Variants in NELL1 observed in about 807,000 individuals in gnomAD.
The protein encoded by NELL1 is neural EGFL like 1.
Under a neutral mutation model 107.4 loss-of-function variants are expected in NELL1, and 76 were observed. The ratio of observed to expected loss-of-function variants is 0.71; its 90% CI spans 0.59 to 0.86. NELL1 has a LOEUF of 0.86. Among genes scored for constraint, NELL1 ranks in the 40% least tolerant of loss-of-function variants. The pLI, the probability that NELL1 is intolerant of heterozygous loss-of-function variation, is 0.00. For missense variants in NELL1, 1,024 were observed against 1,005.5 expected (o/e 1.02, Z -0.25); for synonymous variants, 353 against 341.2 (o/e 1.03, Z -0.38).
chr11:21,135,777 T>A (rs1218050048), intron 13 of NELL1, among the ~76,000 whole-genome samples: 1 of 152,174 alleles, frequency 6.6e-6, no homozygotes, highest in Non-Finnish European at 1.5e-5. Context: ...TATTAGATCA[T>A]TTTTCTCTCT....
At chr11:21,016,616 C>T (rs986367587) in intron 12 of NELL1, among the ~76,000 whole-genome samples, 4 of 152,100 alleles carry the variant, frequency 2.6e-5, no homozygotes, top group African/African-American at 7.2e-5. Context: ...TAGTCTCCCA[C>T]TCTGCACCCA....
intron 15 of NELL1, among the ~76,000 whole-genome samples, chr11:21,417,386 GT>G (rs1250702281): frequency 2.0e-5 from 3 of 150,946 alleles, no homozygotes; most frequent in African/African-American, 7.3e-5. Context: ...ATTCAAAGTT[GT>G]TTATATTTTT....
chr11:21,280,411 A>G (rs1252417886), intron 14 of NELL1, among the ~76,000 whole-genome samples: 1 of 152,178 alleles, frequency 6.6e-6, no homozygotes, highest in Non-Finnish European at 1.5e-5. Context: ...ACTTCATACC[A>G]CTGAAAGAGG....
chr11:21,006,638 T>C (rs1468785146), intron 12 of NELL1, among the ~76,000 whole-genome samples: 1 of 152,086 alleles, frequency 6.6e-6, no homozygotes, highest in East Asian at 1.9e-4. Flanking sequence ...CCTTGGCGCT[T>C]ATAAGTTTCA....
rs1840248 is a variant in NELL1, at chr11:21,249,407, A to T, written c.1549+19953A>T. On this transcript the variant is annotated intron_variant, in intron 14 of 19. Transcript: ENST00000357134. ...TCTTGAAAGAAGGTTTTTTTTTCTT[A>T]TTCACTAAAACAGTTACTTATTTTT... 5.1e-3 allele frequency among the ~76,000 whole-genome samples: 772 copies of T among 151,950 alleles called. 9 individuals are homozygous for T. Among genetic ancestry groups the T allele is most frequent in the African/African-American group, 0.018 (735 of 41,440 alleles).
At chr11:21,478,127 C>T (rs1453992499) in intron 15 of NELL1, among the ~76,000 whole-genome samples, 1 of 152,062 alleles carries the variant, frequency 6.6e-6, no homozygotes, top group Non-Finnish European at 1.5e-5. Flanking sequence ...AAAGCAAGCA[C>T]TTTCTTCACA....
intron 12 of NELL1, among the ~76,000 whole-genome samples, chr11:21,105,774 TC>T (rs1854940167): frequency 8.9e-6 from 1 of 112,968 alleles, no homozygotes; most frequent in Admixed American, 8.6e-5. Context: ...TCATTACCTC[TC>T]CCCTCCCCTC....
chr11:20,993,798 T>C (rs1181843646), intron 12 of NELL1, among the ~76,000 whole-genome samples: 1 of 151,874 alleles, frequency 6.6e-6, no homozygotes, highest in African/African-American at 2.4e-5. Flanking sequence ...TCAATTTTTT[T>C]CCCCAATATT....
In NELL1 at chr11:20,964,160, G is replaced by T. The variant is rs1041159864; in HGVS notation, c.1300+3600G>T. Among the ~76,000 whole-genome samples the T allele has an allele frequency of 1.3e-5, 2 of 152,050 alleles. 1 individual carries two copies. The highest frequency in any genetic ancestry group is 4.1e-4 in the South Asian group (2 of 4,826). Reference sequence around the variant, plus strand: ...ATTTTAATGTTTTAGGAATCTTGTCGGCTGAGGCTTTTTCCTTTTTTAATG... The same window carrying T: ...ATTTTAATGTTTTAGGAATCTTGTCTGCTGAGGCTTTTTCCTTTTTTAATG... On this transcript the variant is annotated intron_variant, in intron 12 of 19. Transcript: ENST00000357134.
intron 14 of NELL1, among the ~76,000 whole-genome samples, chr11:21,256,094 C>T (rs1858761431): frequency 6.6e-6 from 1 of 151,888 alleles, no homozygotes; most frequent in Non-Finnish European, 1.5e-5. Context: ...TCTTTCTTAC[C>T]TTCATTGCCT....
At chr11:21,135,358 G>A in intron 13 of NELL1, among the ~76,000 whole-genome samples, 1 of 152,206 alleles carries the variant, frequency 6.6e-6, no homozygotes, top group East Asian at 1.9e-4. Context: ...AAGAACTCAG[G>A]CAGAGAAGTG....
At chr11:21,475,500 C>A (rs547270941) in intron 15 of NELL1, among the ~76,000 whole-genome samples, 2 of 152,258 alleles carry the variant, frequency 1.3e-5, no homozygotes, top group African/African-American at 4.8e-5. Flanking sequence ...TCTGGCCAAT[C>A]CCCTATGAGT....
At position 21,159,898 on chromosome 11, in the gene NELL1, C is replaced by T. The variant is rs77848516; in HGVS notation, c.1426+46184C>T. On this transcript the variant is annotated intron_variant, in intron 13 of 19. Transcript: ENST00000357134. ...TGTTCAGTTTTAGGATTCAGACCTT[C>T]TTCATCTGTTCTATTTAGCTGTGAC... 7.9e-5 allele frequency among the ~76,000 whole-genome samples: 12 copies of T among 152,330 alleles called. No homozygotes were observed. In the East Asian group the frequency reaches 2.3e-3, roughly 29 times the overall value.
intron 2 of NELL1, among the ~76,000 whole-genome samples, chr11:20,717,650 A>C (rs1352929785): frequency 1.3e-5 from 2 of 152,100 alleles, no homozygotes; most frequent in Non-Finnish European, 2.9e-5. Flanking sequence ...GTCTCTTTTT[A>C]ACTTAAATGT....
intron 14 of NELL1, among the ~76,000 whole-genome samples, chr11:21,262,921 A>T (rs772821316): frequency 2.0e-5 from 3 of 151,554 alleles, no homozygotes; most frequent in Non-Finnish European, 4.4e-5. Context: ...CTGATTTTTC[A>T]ATTTTTATAC....
intron 15 of NELL1, among the ~76,000 whole-genome samples, chr11:21,427,201 AG>A (rs1055612981): frequency 6.6e-6 from 1 of 152,186 alleles, no homozygotes; most frequent in African/African-American, 2.4e-5. Context: ...TCCAAGAATA[AG>A]GGTTCTGCAT....
chr11:21,535,038 G>C (rs965415365), intron 16 of NELL1, among the ~76,000 whole-genome samples: 3 of 152,122 alleles, frequency 2.0e-5, no homozygotes, highest in Non-Finnish European at 4.4e-5. Flanking sequence ...AAAATTGCAA[G>C]ATTTGAATTG....
intron 14 of NELL1, among the ~76,000 whole-genome samples, chr11:21,261,190 CTTT>C (rs557275008): frequency 2.1e-5 from 3 of 141,920 alleles, no homozygotes; most frequent in Non-Finnish European, 4.7e-5. Context: ...ATGAAATGGC[CTTT>C]TTTTTTTTTA....
intron 2 of NELL1, among the ~76,000 whole-genome samples, chr11:20,766,196 A>G (rs1222386084): frequency 1.3e-5 from 2 of 152,170 alleles, no homozygotes; most frequent in African/African-American, 4.8e-5. Context: ...CCCCCTGTCA[A>G]AGCCCAAACA....
Sources: gnomAD v4.1 joint callset for allele counts (sites outside exome capture counted in the v4.1 genomes callset) on GRCh38, gnomAD v4.1.1 for gene constraint, MANE v1.5 for transcripts, NCBI Gene and HGNC (gene_info 2026-07-23, HGNC 2026-07-21) for gene names.